The following CEP97 variants were observed in gnomAD, a reference collection of about 807,000 sequenced individuals.
The protein encoded by CEP97 is centrosomal protein of 97 kDa.
A neutral mutation model predicts 73.1 loss-of-function variants in CEP97; 43 were observed. The observed-to-expected ratio is 0.59, with a 90% CI of 0.46 to 0.76. The LOEUF is 0.76. Among genes scored for constraint, CEP97 ranks in the 30% least tolerant of loss-of-function variants. CEP97 has a pLI of 0.00. For synonymous variants in CEP97, 337 were observed against 370.0 expected, an observed-to-expected ratio of 0.91 and a Z score of 1.02; for missense variants, 939 against 1,014.0, an observed-to-expected ratio of 0.93 and a Z score of 1.00.
intron 9 of CEP97, among the ~76,000 whole-genome samples, chr3:101,762,233 C>A (rs1230061811): frequency 2.6e-5 from 4 of 152,100 alleles, no homozygotes; most frequent in African/African-American, 9.7e-5. Context: ...TCAGTCATAT[C>A]TCCTTTGGCT....
At chr3:101,739,710 G>A (rs905710081) in intron 6 of CEP97, among the ~76,000 whole-genome samples, 4 of 151,836 alleles carry the variant, frequency 2.6e-5, no homozygotes, top group Non-Finnish European at 5.9e-5. Flanking sequence ...GTTAAAGACC[G>A]GCCTGGCCAA....
At chr3:101,757,529 AT>A in intron 8 of CEP97, 104 bp from the exon 9 acceptor site, 4 of 1,078,084 alleles carry the variant, frequency 3.7e-6, no homozygotes, top group Non-Finnish European at 3.9e-6. Context: ...CACTGAGGGG[AT>A]TTTTTTGCAT....
At chr3:101,750,874 CATTA>C (rs1266949371) in intron 6 of CEP97, among the ~76,000 whole-genome samples, 1 of 152,234 alleles carries the variant, frequency 6.6e-6, no homozygotes, top group African/African-American at 2.4e-5. Context: ...CTCCTGGATT[CATTA>C]ATTGTTTGAA....
Position 101,768,562 on chromosome 3 carries a change from G to GT in CEP97, c.*3012dup, listed in dbSNP as rs1393802578. ...TAAAGTTTTAGAAAAGAGACCTGGC[G>GT]TGGTGGTTGACAACTGTAATCCCAG... On this transcript the variant is annotated 3_prime_UTR_variant, in exon 11 of 11. Coordinates refer to ENST00000341893, the MANE Select transcript of CEP97 (RefSeq NM_024548.4). The GT allele has an allele frequency of 6.6e-6, 1 of 152,158 alleles. No individual in the cohort carries two copies. The highest frequency in any genetic ancestry group is 1.9e-4 in the East Asian group (1 of 5,186). 9.4% of individuals were successfully genotyped at this position (152,158 alleles called of 1,614,324 possible). A position where few individuals can be genotyped will look rare whatever the true frequency, so the allele number is the denominator to read the frequency against.
At chr3:101,735,538 C>T (rs1290552309) in intron 6 of CEP97, among the ~76,000 whole-genome samples, 4 of 152,170 alleles carry the variant, frequency 2.6e-5, no homozygotes, top group Non-Finnish European at 5.9e-5. Flanking sequence ...GGGTGCAGCC[C>T]ACAGAGGGTG....
chr3:101,731,482 T>C (rs1938110041), intron 4 of CEP97, among the ~76,000 whole-genome samples: 1 of 152,182 alleles, frequency 6.6e-6, no homozygotes, highest in South Asian at 2.1e-4. Context: ...ATTACAGGCA[T>C]GAGCCACCAC....
At chr3:101,732,794 T>A in intron 6 of CEP97, 140 bp downstream of exon 6, 1 of 653,692 alleles carries the variant, frequency 1.5e-6, no homozygotes, top group Non-Finnish European at 2.5e-6. Flanking sequence ...TATATGCTGG[T>A]CATTTAGGAT....
At chr3:101,763,996 G>A (rs1939240796) in intron 10 of CEP97, among the ~76,000 whole-genome samples, 1 of 152,088 alleles carries the variant, frequency 6.6e-6, no homozygotes, top group African/African-American at 2.4e-5. Context: ...GAATTGCTTT[G>A]GCCCATTCCC....
intron 6 of CEP97, among the ~76,000 whole-genome samples, chr3:101,751,157 C>T (rs1382070308): frequency 6.6e-6 from 1 of 152,192 alleles, no homozygotes; most frequent in Non-Finnish European, 1.5e-5. Flanking sequence ...TTTCTGCCTT[C>T]ATTTCGTTAT....
chr3:101,744,262 T>C (rs1340347498), intron 6 of CEP97, among the ~76,000 whole-genome samples: 2 of 151,552 alleles, frequency 1.3e-5, no homozygotes, highest in Admixed American at 6.6e-5. Flanking sequence ...CATCAGCCTA[T>C]ACAGGAATGG....
Position 101,728,929 on chromosome 3 carries a change from T to C in CEP97, c.439T>C (p.Ser147Pro). The change falls in exon 4 of 11, where the codon TCC becomes CCC. Residue 147 changes from serine to proline, a missense_variant. Transcript: ENST00000341893. ...SQIGDLSKLV[S>P]LKTLLLHGNI... The stretch of plus-strand genomic sequence containing the variant: ...GATAGGTGATCTATCTAAATTGGTA[T>C]CCCTGAAAGTAAGTATGTTTTCTTT... The C allele has an allele frequency of 6.7e-7, 1 of 1,492,296 alleles. No homozygotes were observed. Among genetic ancestry groups the C allele is most frequent in the Non-Finnish European group, 9.3e-7 (1 of 1,073,794 alleles). The allele number at this position is 1,492,296 out of a possible 1,614,324, so 92.4% of individuals were successfully genotyped here. A position where few individuals can be genotyped will look rare whatever the true frequency, so the allele number is the denominator to read the frequency against.
chr3:101,755,362 T>C (rs1023668612), intron 6 of CEP97, 68 bp from the exon 7 acceptor site: 2 of 1,347,326 alleles, frequency 1.5e-6, no homozygotes, highest in East Asian at 2.3e-5. Context: ...AGGAAGATCA[T>C]TGTTGCCTGA....
intron 6 of CEP97, among the ~76,000 whole-genome samples, chr3:101,742,178 A>G (rs1938480829): frequency 6.6e-6 from 1 of 152,184 alleles, no homozygotes; most frequent in African/African-American, 2.4e-5. Context: ...ACAGTGTGGC[A>G]ATTCCTCAAG....
intron 6 of CEP97, 52 bp downstream of exon 6, chr3:101,732,706 G>A: frequency 6.9e-7 from 1 of 1,452,768 alleles, no homozygotes; most frequent in Non-Finnish European, 9.5e-7. Flanking sequence ...ACCATTTCTA[G>A]TTTACTACAG....
rs377040183 is a variant in CEP97 at position 101,724,730 on chromosome 3, C to G, written c.43+11C>G. 1.9e-6 allele frequency: 3 copies of G among 1,613,872 alleles called. No individual in the cohort carries two copies. The highest frequency in any genetic ancestry group is 1.3e-5 in the African/African-American group (1 of 74,942). ...TGCCTCCCGGAGAAGGTAAGGCGAT[C>G]CCTACCCCGAGTCCTAAGGTTTACT... On this transcript the variant is annotated intron_variant, in intron 1 of 10. Transcript: ENST00000341893.
intron 6 of CEP97, among the ~76,000 whole-genome samples, chr3:101,749,399 G>A (rs1360792917): frequency 7.3e-6 from 1 of 136,100 alleles, no homozygotes; most frequent in African/African-American, 2.8e-5. Flanking sequence ...TATCATTGTT[G>A]GACATTTGGG....
rs560482088 is a variant in CEP97, at chr3:101,753,762, C to T, written c.729-1668C>T. On this transcript the variant is annotated intron_variant, in intron 6 of 10. Transcript: ENST00000341893. Reference sequence around the variant, plus strand: ...GTTTTTTAAGCCCGTTGGAAAAGCGCAGTATTAGGGTGGGAGTGACCCGAT... The same window carrying T: ...GTTTTTTAAGCCCGTTGGAAAAGCGTAGTATTAGGGTGGGAGTGACCCGAT... Among the ~76,000 whole-genome samples, 41 of 152,326 alleles carry T rather than the reference C, an allele frequency of 2.7e-4. No homozygotes were observed. In the Middle Eastern group the frequency reaches 0.017, roughly 63 times the overall value.
chr3:101,735,502 C>T (rs919123481), intron 6 of CEP97, among the ~76,000 whole-genome samples: 5 of 152,130 alleles, frequency 3.3e-5, no homozygotes, highest in African/African-American at 7.2e-5. Flanking sequence ...GTACGTGGCT[C>T]ATCTCACTGG....
In CEP97 at chr3:101,769,869, A is replaced by G. The variant is rs931842858; in HGVS notation, c.*4318A>G. 1 of 152,246 alleles carries G rather than the reference A, an allele frequency of 6.6e-6. No individual in the cohort carries two copies. 9.4% of individuals were successfully genotyped at this position (152,246 alleles called of 1,614,324 possible). A position where few individuals can be genotyped will look rare whatever the true frequency, so the allele number is the denominator to read the frequency against. On this transcript the variant is annotated 3_prime_UTR_variant, in exon 11 of 11. Transcript: ENST00000341893. The stretch of plus-strand genomic sequence containing the variant: ...TTAAAATTAAAAGTCAAATAAACAA[A>G]GCAGTCCTCACAGCCTTGGAAAGAA...
Sources: gnomAD v4.1 joint callset for allele counts (sites outside exome capture counted in the v4.1 genomes callset) on GRCh38, gnomAD v4.1.1 for gene constraint, MANE v1.5 for transcripts, NCBI Gene and HGNC (gene_info 2026-07-23, HGNC 2026-07-21) for gene names.